Variants in AP1G1 observed in about 807,000 individuals in gnomAD.
The protein encoded by AP1G1 is AP-1 complex subunit gamma-1.
AP1G1 carries 7 observed loss-of-function variants against 108.3 expected under a neutral mutation model. The observed-to-expected ratio is 0.06, with a 90% CI of 0.04 to 0.12. AP1G1 has a LOEUF of 0.12. AP1G1 is among the 10% of genes least tolerant of loss of function. The pLI is 1.00. For synonymous variants in AP1G1, 379 were observed against 353.5 expected, an observed-to-expected ratio of 1.07 and a Z score of -0.81; for missense variants, 756 against 1,010.7, an observed-to-expected ratio of 0.75 and a Z score of 3.42.
In AP1G1 at chr16:71,764,633, T is replaced by C. The variant is rs1343299425; in HGVS notation, c.819+13A>G. ...TAAAATAAATATATATTTAATATGT[T>C]TGGTCTACTCACCTGTGCTAATATA... On this transcript the variant is annotated intron_variant, in intron 8 of 22. Coordinates refer to ENST00000299980, the MANE Select transcript of AP1G1 (RefSeq NM_001128.6). 3 of 1,551,666 alleles carry C rather than the reference T, an allele frequency of 1.9e-6. No individual in the cohort carries two copies. The South Asian group carries it at 3.7e-5, about 19-fold the overall frequency.
intron 1 of AP1G1, among the ~76,000 whole-genome samples, chr16:71,791,673 CAA>C (rs59552791): frequency 3.9e-3 from 356 of 90,260 alleles, no homozygotes; most frequent in South Asian, 0.037. Context: ...GACCCTGTCT[CAA>C]AAAAAAAAAA....
intron 1 of AP1G1, among the ~76,000 whole-genome samples, chr16:71,794,415 TA>T (rs1281896628): frequency 2.0e-5 from 3 of 152,152 alleles, no homozygotes; most frequent in African/African-American, 7.2e-5. Context: ...AAACATCTCT[TA>T]AAACAAGGAT....
At chr16:71,782,979 A>G (rs1469961673) in intron 2 of AP1G1, among the ~76,000 whole-genome samples, 2 of 152,136 alleles carry the variant, frequency 1.3e-5, no homozygotes, top group Admixed American at 1.3e-4. Flanking sequence ...GGCTGAAAAT[A>G]GTATCTGGAG....
In AP1G1 at chr16:71,732,757, G is replaced by C. The variant is rs2045486807; in HGVS notation, c.*301C>G. On this transcript the variant is annotated 3_prime_UTR_variant, in exon 23 of 23. Transcript: ENST00000299980. ...TCCAGACCAGCTGCTTATTTCCTCA[G>C]GGGCCCAGGGAATGTTGATTCTGGC... 7.3e-6 allele frequency: 2 copies of C among 274,582 alleles called. No individual in the cohort carries two copies. Among genetic ancestry groups the C allele is most frequent in the Admixed American group, 5.0e-5 (1 of 20,182 alleles). 17.0% of individuals were successfully genotyped at this position (274,582 alleles called of 1,614,324 possible). A position where few individuals can be genotyped will look rare whatever the true frequency, so the allele number is the denominator to read the frequency against.
At chr16:71,787,773 C>G (rs1308641652) in intron 2 of AP1G1, among the ~76,000 whole-genome samples, 1 of 152,154 alleles carries the variant, frequency 6.6e-6, no homozygotes, top group African/African-American at 2.4e-5. Context: ...AAGCTTATAA[C>G]TGAAACATCA....
chr16:71,748,139 C>T (rs2030281742), intron 16 of AP1G1, 112 bp downstream of exon 16: 2 of 1,097,692 alleles, frequency 1.8e-6, no homozygotes, highest in Admixed American at 5.4e-5. Context: ...TGTTATTATT[C>T]TCTCTACTTT....
intron 2 of AP1G1, among the ~76,000 whole-genome samples, chr16:71,782,493 T>C (rs1236209289): frequency 6.6e-6 from 1 of 150,488 alleles, no homozygotes; most frequent in African/African-American, 2.4e-5. Flanking sequence ...TTATTATTTT[T>C]ATTATTATTT....
intron 1 of AP1G1, among the ~76,000 whole-genome samples, chr16:71,798,063 A>C (rs2032648814): frequency 1.3e-5 from 2 of 152,246 alleles, no homozygotes. Flanking sequence ...TATACGAAAA[A>C]AACTACGAAA....
chr16:71,761,366 A>T, intron 10 of AP1G1, 146 bp downstream of exon 10: 1 of 674,306 alleles, frequency 1.5e-6, no homozygotes, highest in Non-Finnish European at 2.6e-6. Flanking sequence ...TTCACAAAAC[A>T]GTGTTTTAAG....
At chr16:71,801,038 G>A (rs1361355534) in intron 1 of AP1G1, among the ~76,000 whole-genome samples, 1 of 152,144 alleles carries the variant, frequency 6.6e-6, no homozygotes, top group South Asian at 2.1e-4. Flanking sequence ...TGGGCGCGGT[G>A]GCTCATGCCT....
intron 2 of AP1G1, among the ~76,000 whole-genome samples, chr16:71,788,352 C>G (rs2032282781): frequency 6.6e-6 from 1 of 152,124 alleles, no homozygotes; most frequent in Non-Finnish European, 1.5e-5. Flanking sequence ...AAAAAACCCA[C>G]TATTTCCTTT....
At chr16:71,735,206 T>C (rs2045518322) in intron 21 of AP1G1, among the ~76,000 whole-genome samples, 1 of 152,224 alleles carries the variant, frequency 6.6e-6, no homozygotes, top group African/African-American at 2.4e-5. Context: ...TTTTGTTTTT[T>C]AAAGCCTGCA....
At chr16:71,799,163 T>TA (rs2032694675) in intron 1 of AP1G1, among the ~76,000 whole-genome samples, 1 of 152,172 alleles carries the variant, frequency 6.6e-6, no homozygotes, top group South Asian at 2.1e-4. Context: ...TATGTATTTA[T>TA]ACCCAGTGGT....
intron 9 of AP1G1, among the ~76,000 whole-genome samples, chr16:71,762,252 G>A (rs1567649837): frequency 1.3e-5 from 2 of 152,084 alleles, no homozygotes; most frequent in African/African-American, 4.8e-5. Context: ...AAGATAATCT[G>A]CTTTTCAAAA....
intron 5 of AP1G1, among the ~76,000 whole-genome samples, chr16:71,769,951 C>T (rs535363902): frequency 2.6e-5 from 4 of 152,248 alleles, no homozygotes; most frequent in South Asian, 2.1e-4. Context: ...GAAAAAGTGA[C>T]GACCAATACA....
intron 1 of AP1G1, chr16:71,808,230 T>A (rs980162037): frequency 1.0e-5 from 11 of 1,066,812 alleles, no homozygotes; most frequent in Admixed American, 4.9e-5. Flanking sequence ...ACACGAAAAA[T>A]TGGGAAAGAA....
At chr16:71,776,858 C>T (rs1236952671) in intron 2 of AP1G1, among the ~76,000 whole-genome samples, 6 of 151,844 alleles carry the variant, frequency 4.0e-5, no homozygotes, top group Non-Finnish European at 8.8e-5. Flanking sequence ...GCCTGTAATC[C>T]CAGCACTTTG....
chr16:71,782,918 T>C (rs1199862969), intron 2 of AP1G1, among the ~76,000 whole-genome samples: 1 of 152,146 alleles, frequency 6.6e-6, no homozygotes, highest in East Asian at 1.9e-4. Flanking sequence ...CATTCAAGCT[T>C]ATTTTGTACA....
At position 71,744,868 on chromosome 16, in the gene AP1G1, G is replaced by A. The variant is rs768256154; in HGVS notation, c.1999+276C>T. ...TGGGATTACAGGCATGAGCCACTGC[G>A]CCCAGCCAGGAAAAGTAGTTTCTAT... On this transcript the variant is annotated intron_variant, in intron 19 of 22. Coordinates refer to ENST00000299980, the MANE Select transcript of AP1G1 (RefSeq NM_001128.6). Among the ~76,000 whole-genome samples the A allele has an allele frequency of 3.4e-4, 51 of 152,208 alleles. No homozygotes were observed. In the Middle Eastern group the frequency reaches 0.02, roughly 61 times the overall value.
Sources: allele counts gnomAD v4.1 joint callset (sites outside exome capture counted in the v4.1 genomes callset), GRCh38; gene constraint gnomAD v4.1.1; transcripts MANE v1.5; gene names NCBI Gene and HGNC (gene_info 2026-07-23, HGNC 2026-07-21).